KRT71: variants seen among roughly 807,000 people sequenced by gnomAD.
The protein encoded by KRT71 is keratin 71.
A neutral mutation model predicts 46.2 loss-of-function variants in KRT71; 42 were observed. That is an observed-to-expected ratio of 0.91 (90% confidence interval 0.71 to 1.18). KRT71 has a LOEUF of 1.18. Ranked by LOEUF, KRT71 falls within the 50% of genes most tolerant of loss-of-function variation. The probability of loss-of-function intolerance (pLI) is 0.00; values close to 1 mark genes in which losing one functional copy is unlikely to be tolerated. For synonymous variants in KRT71, 292 were observed against 277.8 expected (o/e 1.05, Z -0.51); for missense variants, 708 against 677.9 (o/e 1.04, Z -0.49).
chr12:52,551,030 T>C (rs1018680313), intron 1 of KRT71, among the ~76,000 whole-genome samples: 15 of 152,224 alleles, frequency 9.9e-5, no homozygotes, highest in African/African-American at 3.1e-4. Flanking sequence ...CAAGATAGAA[T>C]TATTCCCCGA....
intron 3 of KRT71, among the ~76,000 whole-genome samples, 186 bp downstream of exon 3, chr12:52,549,107 C>T (rs1939114341): frequency 2.6e-5 from 4 of 152,204 alleles, no homozygotes; most frequent in Admixed American, 2.0e-4. Flanking sequence ...CAGGTGTCCT[C>T]TCACTGGCAC....
intron 7 of KRT71, 126 bp downstream of exon 7, chr12:52,546,160 A>G: frequency 1.0e-6 from 1 of 1,000,658 alleles, no homozygotes; most frequent in Non-Finnish European, 1.5e-6. Flanking sequence ...TACTGTGATT[A>G]TTTCTATCCT....
intron 2 of KRT71, among the ~76,000 whole-genome samples, chr12:52,549,782 T>C (rs1416920874): frequency 2.6e-5 from 4 of 152,198 alleles, no homozygotes; most frequent in African/African-American, 9.6e-5. Flanking sequence ...AAACATTCCC[T>C]AAACCCAGAG....
Position 52,552,687 on chromosome 12 carries a change from G to C in KRT71, c.391C>G (p.Arg131Gly). 3.7e-6 allele frequency: 6 copies of C among 1,613,774 alleles called. No homozygotes were observed. The highest frequency in any genetic ancestry group is 5.1e-6 in the Non-Finnish European group (6 of 1,179,794). ...PEIQKVRAQE[R>G]EQIKALNNKF... ...TTGTTCAGAGCCTTGATCTGCTCTC[G>C]CTCCTGGGCACGCACTTTCTGGATC... The change falls in exon 1 of 9, where the codon CGA becomes GGA. Residue 131 changes from arginine to glycine, a missense_variant. Arg to Gly is a moderately radical substitution (Grantham distance 125). Coordinates refer to ENST00000267119, the MANE Select transcript of KRT71 (RefSeq NM_033448.3).
intron 2 of KRT71, 146 bp from the exon 3 acceptor site, chr12:52,549,499 G>A (rs1939124410): frequency 1.5e-6 from 1 of 685,216 alleles, no homozygotes; most frequent in Non-Finnish European, 2.6e-6. Context: ...AGTGGGGGAA[G>A]GCTTCCTGGA....
At chr12:52,550,987 C>T (rs12314106) in intron 1 of KRT71, among the ~76,000 whole-genome samples, 30,484 of 152,176 alleles carry the variant, frequency 0.2, 3,286 homozygotes, top group East Asian at 0.29. Flanking sequence ...ATCAGAAACA[C>T]AAGACATGGG....
In KRT71 at chr12:52,547,500, G is replaced by T. The variant is rs529591975; in HGVS notation, c.1104+357C>A. Reference sequence around the variant, plus strand: ...CTGTGCTAGATGCTGGGGAAACAGGGTACAAAGCAGCCAGCTCCCTGCCCC... The same window carrying T: ...CTGTGCTAGATGCTGGGGAAACAGGTTACAAAGCAGCCAGCTCCCTGCCCC... On this transcript the variant is annotated intron_variant, in intron 6 of 8. Transcript: ENST00000267119. Among the ~76,000 whole-genome samples, 199 of 152,312 alleles carry T rather than the reference G, an allele frequency of 1.3e-3. 1 individual carries two copies. Among genetic ancestry groups the T allele is most frequent in the Non-Finnish European group, 1.7e-3 (118 of 68,016 alleles).
In KRT71 at chr12:52,544,193, G is replaced by C; in HGVS notation, c.*339C>G. On this transcript the variant is annotated 3_prime_UTR_variant, in exon 9 of 9. Coordinates refer to ENST00000267119, the MANE Select transcript of KRT71 (RefSeq NM_033448.3). ...CCCAGTGTGTGCGGGGCCTTGGGCA[G>C]AGACCCAGGGAGCCCAGCAGAGTAG... is the stretch of plus-strand genomic sequence containing the variant. The C allele has an allele frequency of 2.7e-6, 1 of 375,286 alleles. No homozygotes were observed. The highest frequency in any genetic ancestry group is 2.9e-5 in the South Asian group (1 of 33,926). The allele number at this position is 375,286 out of a possible 1,614,324, so 23.2% of individuals were successfully genotyped here.
intron 1 of KRT71, 90 bp downstream of exon 1, chr12:52,552,547 C>A: frequency 7.4e-7 from 1 of 1,356,680 alleles, no homozygotes; most frequent in Non-Finnish European, 1.0e-6. Flanking sequence ...TCACATCTAA[C>A]CTCAATCTCT....
intron 5 of KRT71, 74 bp from the exon 6 acceptor site, chr12:52,548,056 C>A: frequency 6.2e-7 from 1 of 1,602,144 alleles, no homozygotes; most frequent in Admixed American, 1.7e-5. Flanking sequence ...ACACAACAGA[C>A]ACTTACTGGG....
rs759471397 is a variant in KRT71, at chr12:52,552,717, G to A, written c.361C>T (p.Pro121Ser). 164 of 1,613,764 alleles carry A rather than the reference G, an allele frequency of 1.0e-4. No homozygotes were observed. The highest frequency in any genetic ancestry group is 1.3e-4 in the Non-Finnish European group (151 of 1,179,848). Residue 121 changes from proline to serine, a missense_variant, in exon 1 of 9, where the codon CCC becomes TCC. Physicochemically the swap from Pro to Ser is moderately conservative, Grantham distance 74 (BLOSUM62 -1). Transcript: ENST00000267119. The part of the protein sequence containing the change: ...LLAPLNVELD[P>S]EIQKVRAQER... ...TGGGCACGCACTTTCTGGATCTCGG[G>A]GTCCAGCTCCACGTTGAGGGGGGCC... is the stretch of plus-strand genomic sequence containing the variant.
At chr12:52,545,359 G>A (rs1010765612) in intron 8 of KRT71, among the ~76,000 whole-genome samples, 1 of 152,156 alleles carries the variant, frequency 6.6e-6, no homozygotes, top group Admixed American at 6.5e-5. Context: ...GGAACAGAAA[G>A]TCAGAGGGAT....
At position 52,544,352 on chromosome 12, in the gene KRT71, T is replaced by C. The variant is rs1269277441; in HGVS notation, c.*180A>G. 3 of 695,660 alleles carry C rather than the reference T, an allele frequency of 4.3e-6. No individual in the cohort carries two copies. The Admixed American group carries it at 6.4e-5, about 15-fold the overall frequency. 43.1% of individuals were successfully genotyped at this position (695,660 alleles called of 1,614,324 possible). ...GGAGGAATTTCACCAAGCTTGGTCA[T>C]CCAGGCCTTCCCAGGATCAGGAAGA... On this transcript the variant is annotated 3_prime_UTR_variant, in exon 9 of 9. Coordinates refer to ENST00000267119, the MANE Select transcript of KRT71 (RefSeq NM_033448.3).
In KRT71 at chr12:52,552,688, C is replaced by T. The variant is rs375056711; in HGVS notation, c.390G>A (p.Glu130=). ...DPEIQKVRAQ[E]REQIKALNNK... is the part of the protein sequence containing the mutation. ...TGTTCAGAGCCTTGATCTGCTCTCG[C>T]TCCTGGGCACGCACTTTCTGGATCT... The change falls in exon 1 of 9, where the codon GAG becomes GAA. Residue 130 remains glutamate (E), a synonymous_variant. Transcript: ENST00000267119. 25 of 1,613,816 alleles carry T rather than the reference C, an allele frequency of 1.5e-5. No individual in the cohort carries two copies. The highest frequency in any genetic ancestry group is 2.0e-5 in the Non-Finnish European group (24 of 1,179,878).
At chr12:52,552,337 C>T (rs2120590676) in intron 1 of KRT71, among the ~76,000 whole-genome samples, 1 of 152,360 alleles carries the variant, frequency 6.6e-6, no homozygotes, top group East Asian at 1.9e-4. Context: ...GCCTTTTCTG[C>T]ACACGGCCTG....
At position 52,548,198 on chromosome 12, in the gene KRT71, A is replaced by G; in HGVS notation, c.932T>C (p.Ile311Thr). 2 of 1,614,152 alleles carry G rather than the reference A, an allele frequency of 1.2e-6. No homozygotes were observed. The highest frequency in any genetic ancestry group is 2.7e-5 in the African/African-American group (2 of 75,052). Reference protein sequence around the residue: ...IDEVRTQYEEIALKSKAEAEA... With the variant: ...IDEVRTQYEETALKSKAEAEA... Reference sequence around the variant, plus strand: ...AGCCTCGGCCTTACTCTTCAAGGCAATCTCCTCATACTGGGTGCGGACTTC... The same window carrying G: ...AGCCTCGGCCTTACTCTTCAAGGCAGTCTCCTCATACTGGGTGCGGACTTC... Residue 311 changes from isoleucine to threonine, a missense_variant, in exon 5 of 9, where the codon ATT (isoleucine) becomes ACT (threonine). Transcript: ENST00000267119.
Position 52,544,239 on chromosome 12 carries a change from C to G in KRT71, c.*293G>C. ...AGTAGTTAGCGACTGCGCTAGAGGC[C>G]GGGCAGAGGAGGAAAGCTGGCAGCC... On this transcript the variant is annotated 3_prime_UTR_variant, in exon 9 of 9. Transcript: ENST00000267119. 1 of 501,354 alleles carries G rather than the reference C, an allele frequency of 2.0e-6. No individual in the cohort carries two copies. Among genetic ancestry groups the G allele is most frequent in the Non-Finnish European group, 3.6e-6 (1 of 275,330 alleles). The allele number at this position is 501,354 out of a possible 1,614,324, so 31.1% of individuals were successfully genotyped here.
chr12:52,548,842 A>G (rs2120572328), intron 3 of KRT71, 46 bp from the exon 4 acceptor site: 1 of 1,552,568 alleles, frequency 6.4e-7, no homozygotes, highest in Non-Finnish European at 8.9e-7. Context: ...GTACAGCCAA[A>G]AAGGCAGCAG....
Position 52,550,210 on chromosome 12 carries a change from C to T in KRT71, c.475G>A (p.Glu159Lys). Residue 159 changes from glutamate to lysine, a missense_variant, in exon 2 of 9, where the codon GAG (glutamate) becomes AAG (lysine). By Grantham distance (56) the Glu-to-Lys change is moderately conservative. Coordinates refer to ENST00000267119, the MANE Select transcript of KRT71 (RefSeq NM_033448.3). Reference protein sequence around the residue: ...RFLEQQNQVLETKWELLQQLD... With the variant: ...RFLEQQNQVLKTKWELLQQLD... ...TGCTGCAGCAGCTCCCACTTGGTCT[C>T]CAGTACCTGGTTCTGCTGCTCCAGG... 2 of 1,614,200 alleles carry T rather than the reference C, an allele frequency of 1.2e-6. No homozygotes were observed. The highest frequency in any genetic ancestry group is 1.1e-5 in the South Asian group (1 of 91,084).
Sources: allele counts gnomAD v4.1 joint callset (sites outside exome capture counted in the v4.1 genomes callset), GRCh38; gene constraint gnomAD v4.1.1; transcripts MANE v1.5; gene names NCBI Gene and HGNC (gene_info 2026-07-23, HGNC 2026-07-21).